CMAS: variants seen among roughly 807,000 people sequenced by gnomAD.
CMAS encodes the protein cytidine monophosphate N-acetylneuraminic acid synthetase, also known as N-acylneuraminate cytidylyltransferase.
A neutral mutation model predicts 53.4 loss-of-function variants in CMAS; 21 were observed. That is an observed-to-expected ratio of 0.39 (90% CI 0.28 to 0.57). The LOEUF (loss-of-function observed/expected upper bound fraction) is 0.57. Ranked by LOEUF, CMAS falls within the 20% of genes least tolerant of loss-of-function variation. The pLI, the probability that CMAS is intolerant of heterozygous loss-of-function variation, is 0.56. For synonymous variants in CMAS, 189 were observed against 195.2 expected (o/e 0.97, Z 0.27); for missense variants, 384 against 534.9 (o/e 0.72, Z 2.78).
chr12:22,053,815 C>A (rs919384605), intron 1 of CMAS, among the ~76,000 whole-genome samples: 1 of 149,850 alleles, frequency 6.7e-6, no homozygotes, highest in Admixed American at 6.6e-5. Flanking sequence ...GGAGGCGGAG[C>A]TTGCAGTGAG....
intron 6 of CMAS, 113 bp downstream of exon 6, chr12:22,061,565 A>G: frequency 1.4e-6 from 1 of 695,174 alleles, no homozygotes; most frequent in South Asian, 3.1e-5. Context: ...AATATCTGAA[A>G]TTTGGCCTTC....
At chr12:22,052,624 A>C (rs1321643206) in intron 1 of CMAS, among the ~76,000 whole-genome samples, 1 of 152,066 alleles carries the variant, frequency 6.6e-6, no homozygotes, top group Non-Finnish European at 1.5e-5. Flanking sequence ...TCCTCTCGTC[A>C]TCTCTATTTT....
At chr12:22,061,598 CTATT>C (rs1950308820) in intron 6 of CMAS, 146 bp downstream of exon 6, 1 of 485,296 alleles carries the variant, frequency 2.1e-6, no homozygotes, top group African/African-American at 2.0e-5. Context: ...AATTATTATA[CTATT>C]TAGTTTTAGA....
chr12:22,055,039 C>T, intron 1 of CMAS, 110 bp from the exon 2 acceptor site: 1 of 696,740 alleles, frequency 1.4e-6, no homozygotes, highest in Non-Finnish European at 2.2e-6. Flanking sequence ...TATCATTGTG[C>T]AAAAAATATT....
In CMAS at chr12:22,046,344, A is replaced by T; in HGVS notation, c.41A>T (p.Asn14Ile). The T allele has an allele frequency of 3.3e-6, 5 of 1,514,014 alleles. No homozygotes were observed. Among genetic ancestry groups the T allele is most frequent in the Non-Finnish European group, 4.4e-6 (5 of 1,130,272 alleles). 93.8% of individuals were successfully genotyped at this position (1,514,014 alleles called of 1,614,324 possible). ...VEKGAATSVS[N>I]PRGRPSRGRP... ...AAGGGGGCCGCCACCTCCGTCTCCAACCCGCGGGGGCGACCGTCCCGGGGC... is the reference window on the plus strand; with the variant it reads ...AAGGGGGCCGCCACCTCCGTCTCCATCCCGCGGGGGCGACCGTCCCGGGGC... The change falls in exon 1 of 8, where the codon AAC becomes ATC. Residue 14 changes from asparagine (N) to isoleucine (I), a missense_variant. By Grantham distance (149) the Asn-to-Ile change is moderately radical (BLOSUM62 -3). Around this residue, in one of 3 missense-constraint regions of CMAS, gnomAD observed 111 missense variants for 132.2 expected, o/e 0.84. Transcript: ENST00000229329.
chr12:22,060,970 T>A (rs1158502463), intron 5 of CMAS, 44 bp downstream of exon 5: 3 of 1,149,494 alleles, frequency 2.6e-6, no homozygotes, highest in Non-Finnish European at 3.9e-6. Flanking sequence ...TAAATCTTAA[T>A]AATTATATTT....
At chr12:22,055,779 G>A (rs553697136) in intron 3 of CMAS, among the ~76,000 whole-genome samples, 169 bp downstream of exon 3, 1 of 152,050 alleles carries the variant, frequency 6.6e-6, no homozygotes, top group Non-Finnish European at 1.5e-5. Flanking sequence ...ATCTGTTATC[G>A]AGCCAACACA....
At chr12:22,059,180 A>G (rs1950291699) in intron 4 of CMAS, among the ~76,000 whole-genome samples, 1 of 147,416 alleles carries the variant, frequency 6.8e-6, no homozygotes, top group Non-Finnish European at 1.5e-5. Flanking sequence ...CTTTAAGTCA[A>G]CTGCCTCTTA....
intron 5 of CMAS, among the ~76,000 whole-genome samples, 166 bp from the exon 6 acceptor site, chr12:22,061,114 AC>A: frequency 6.6e-6 from 1 of 152,206 alleles, no homozygotes; most frequent in Admixed American, 6.5e-5. Context: ...AGACCACACT[AC>A]TTTTACTTAC....
chr12:22,064,598 T>C (rs751021647), intron 7 of CMAS, among the ~76,000 whole-genome samples: 15 of 152,094 alleles, frequency 9.9e-5, no homozygotes, highest in Non-Finnish European at 1.8e-4. Flanking sequence ...TTTAATGATA[T>C]TCTGTCAGAT....
At chr12:22,059,148 ATTTTTT>A (rs10615874) in intron 4 of CMAS, among the ~76,000 whole-genome samples, 1 of 139,828 alleles carries the variant, frequency 7.2e-6, no homozygotes, top group South Asian at 2.2e-4. Context: ...ATATATATAT[ATTTTTT>A]TTTTTTTTTA....
chr12:22,049,376 T>C (rs1950225790), intron 1 of CMAS, among the ~76,000 whole-genome samples: 2 of 152,130 alleles, frequency 1.3e-5, no homozygotes, highest in African/African-American at 4.8e-5. Context: ...ACAGCAGGCA[T>C]TGGGGATTTT....
chr12:22,058,522 C>T, intron 3 of CMAS, 45 bp from the exon 4 acceptor site: 1 of 1,548,840 alleles, frequency 6.5e-7, no homozygotes, highest in Non-Finnish European at 8.7e-7. Flanking sequence ...TTAACACTTT[C>T]TATATTCAGG....
intron 6 of CMAS, 29 bp downstream of exon 6, chr12:22,061,481 T>C: frequency 7.1e-7 from 1 of 1,400,930 alleles, no homozygotes. Context: ...TAGCAGTATT[T>C]TATAATATTT....
chr12:22,061,343 G>A lies in CMAS; in HGVS notation c.851G>A (p.Gly284Glu). ...AAACTTTTGGTTTGCAATATTGATGGATGTCTCACCAATGGCCACATTTAT... is the reference window on the plus strand; with the variant it reads ...AAACTTTTGGTTTGCAATATTGATGAATGTCTCACCAATGGCCACATTTAT... ...EIKLLVCNID[G>E]CLTNGHIYVS... Residue 284 changes from glycine to glutamate, a missense_variant, in exon 6 of 8, where the codon GGA (glycine) becomes GAA (glutamate). Gly to Glu is a moderately conservative substitution (Grantham distance 98). This residue lies in a region of CMAS where 139 missense variants were observed against 248.0 expected (regional missense o/e 0.56). Coordinates refer to ENST00000229329, the MANE Select transcript of CMAS (RefSeq NM_018686.6). The A allele has an allele frequency of 6.2e-7, 1 of 1,610,990 alleles. No individual in the cohort carries two copies. Among genetic ancestry groups the A allele is most frequent in the East Asian group, 2.2e-5 (1 of 44,738 alleles).
rs904050654 is a variant in CMAS at position 22,065,404 on chromosome 12, C to A, written c.*93C>A. The A allele has an allele frequency of 1.5e-4, 148 of 959,928 alleles. 1 individual carries two copies. Among genetic ancestry groups the A allele is most frequent in the Non-Finnish European group, 1.5e-4 (92 of 634,238 alleles). 59.5% of individuals were successfully genotyped at this position (959,928 alleles called of 1,614,324 possible). On this transcript the variant is annotated 3_prime_UTR_variant, in exon 8 of 8. Transcript: ENST00000229329. ...AAGTAAATTCCATGTTGTAATGTTA[C>A]AGAGAGTGTGATTTGGTTTGTGATA... is the stretch of plus-strand genomic sequence containing the variant.
At position 22,061,427 on chromosome 12, in the gene CMAS, G is replaced by C; in HGVS notation, c.935G>C (p.Ser312Thr). 6.3e-7 allele frequency: 1 copy of C among 1,594,578 alleles called. No homozygotes were observed. The highest frequency in any genetic ancestry group is 8.6e-7 in the Non-Finnish European group (1 of 1,168,330). The part of the protein sequence containing the change: ...SYDVKDAIGI[S>T]LLKKSGIEVR... ...GATGTAAAAGATGCTATTGGGATAA[G>C]TTTATTAAAGAAAAGTGGTATTGAG... is the stretch of plus-strand genomic sequence containing the variant. The change falls in exon 6 of 8, where the codon AGT becomes ACT. Residue 312 changes from serine to threonine, a missense_variant. Physicochemically the swap from Ser to Thr is moderately conservative, Grantham distance 58. This residue lies in a region of CMAS where 134 missense variants were observed against 154.6 expected (regional missense o/e 0.87). Coordinates refer to ENST00000229329, the MANE Select transcript of CMAS (RefSeq NM_018686.6).
At chr12:22,050,669 T>G (rs779953178) in intron 1 of CMAS, among the ~76,000 whole-genome samples, 1 of 152,132 alleles carries the variant, frequency 6.6e-6, no homozygotes, top group East Asian at 1.9e-4. Flanking sequence ...AGATCGTCTT[T>G]GTTGCAATCA....
intron 1 of CMAS, among the ~76,000 whole-genome samples, chr12:22,054,208 T>A (rs1950254219): frequency 6.6e-6 from 1 of 152,090 alleles, no homozygotes; most frequent in Non-Finnish European, 1.5e-5. Context: ...ATTACAGGTG[T>A]GAGACTCCAG....
Sources: allele counts gnomAD v4.1 joint callset (sites outside exome capture counted in the v4.1 genomes callset), GRCh38; gene constraint gnomAD v4.1.1; regional missense constraint gnomAD v4.1.1; transcripts MANE v1.5; gene names NCBI Gene and HGNC (gene_info 2026-07-23, HGNC 2026-07-21).